Variants in TENT5D observed in about 807,000 individuals in gnomAD.
TENT5D encodes the protein terminal nucleotidyltransferase 5D, also known as cancer/testis antigen 112.
For missense variants in TENT5D, 191 were observed against 287.0 expected, an observed-to-expected ratio of 0.67 and a Z score of 2.42; for synonymous variants, 103 against 100.6, an observed-to-expected ratio of 1.02 and a Z score of -0.15.
intron 2 of TENT5D, among the ~76,000 whole-genome samples, chrX:80,336,585 T>C: frequency 9.2e-6 from 1 of 108,980 alleles, no homozygotes; most frequent in Middle Eastern, 4.7e-3. Context: ...AGAACTTCTT[T>C]TGGTATAAAG....
At chrX:80,380,689 A>G (rs1216790170) in intron 3 of TENT5D, among the ~76,000 whole-genome samples, 1 of 111,757 alleles carries the variant, frequency 8.9e-6, no homozygotes, top group African/African-American at 3.3e-5. Context: ...TTTGTGTTGA[A>G]TAGATCCCTT....
chrX:80,439,997 G>T (rs1380643463), intron 2 of TENT5D, among the ~76,000 whole-genome samples: 1 of 110,501 alleles, frequency 9.0e-6, no homozygotes, highest in Non-Finnish European at 1.9e-5. Flanking sequence ...CTAGAGAAAG[G>T]TTAAAAAAAA....
chrX:80,373,742 C>T (rs775790027), intron 3 of TENT5D, among the ~76,000 whole-genome samples: 12 of 111,566 alleles, frequency 1.1e-4, no homozygotes, highest in South Asian at 7.5e-4. Flanking sequence ...CCCCATTTTT[C>T]TGTTTTCTCT....
chrX:80,398,987 G>A (rs1392306752), intron 3 of TENT5D, among the ~76,000 whole-genome samples: 2 of 111,872 alleles, frequency 1.8e-5, no homozygotes, highest in Non-Finnish European at 3.8e-5. Context: ...ATAGTGTTAA[G>A]TTCCTTATAT....
At chrX:80,355,022 G>A (rs1307421831) in intron 3 of TENT5D, among the ~76,000 whole-genome samples, 3 of 111,649 alleles carry the variant, frequency 2.7e-5, no homozygotes, top group Non-Finnish European at 3.8e-5. Flanking sequence ...TAACCCCGAG[G>A]GCTTTGACCA....
rs749374234 is a variant in TENT5D at position 80,365,604 on chromosome X, G to A, written c.-142+23040G>A. On this transcript the variant is annotated intron_variant, in intron 3 of 4. Coordinates refer to the TENT5D transcript ENST00000538312. The stretch of plus-strand genomic sequence containing the variant: ...GCCTGTAATCCCAGCACTTTAGGAG[G>A]CCGAGGCGGGTGGATCACTTGAGGT... Among the ~76,000 whole-genome samples, 3 of 111,121 alleles carry A rather than the reference G, an allele frequency of 2.7e-5. No individual in the cohort carries two copies. The South Asian group carries it at 1.1e-3, about 43-fold the overall frequency.
intron 3 of TENT5D, among the ~76,000 whole-genome samples, chrX:80,365,047 A>G (rs1930479921): frequency 9.0e-6 from 1 of 111,051 alleles, no homozygotes; most frequent in South Asian, 3.8e-4. Context: ...ACCTATGTAG[A>G]ACAGAAATCT....
intron 3 of TENT5D, among the ~76,000 whole-genome samples, chrX:80,372,785 G>T (rs909639568): frequency 1.8e-5 from 2 of 108,618 alleles, no homozygotes; most frequent in Non-Finnish European, 3.8e-5. Context: ...TACTCAGGAG[G>T]CTGAGGCAGG....
intron 3 of TENT5D, among the ~76,000 whole-genome samples, chrX:80,379,449 G>A (rs1930807587): frequency 1.8e-5 from 2 of 110,896 alleles, no homozygotes; most frequent in African/African-American, 3.3e-5. Flanking sequence ...GTATCAGGAT[G>A]ATGCTGGCCT....
At chrX:80,353,286 T>G (rs1261141083) in intron 3 of TENT5D, among the ~76,000 whole-genome samples, 1 of 112,421 alleles carries the variant, frequency 8.9e-6, no homozygotes, top group Non-Finnish European at 1.9e-5. Flanking sequence ...TTTTTTAACT[T>G]TTATTTTACT....
intron 3 of TENT5D, among the ~76,000 whole-genome samples, chrX:80,409,843 A>T (rs1358357789): frequency 9.7e-6 from 1 of 103,278 alleles, no homozygotes; most frequent in Non-Finnish European, 2.0e-5. Context: ...CTGACTTCAA[A>T]CTATACTACA....
chrX:80,375,271 A>G (rs1260348438), intron 3 of TENT5D, among the ~76,000 whole-genome samples: 1 of 111,503 alleles, frequency 9.0e-6, no homozygotes, highest in African/African-American at 3.3e-5. Context: ...CTTAGCTGTT[A>G]TACTCATTTT....
chrX:80,409,453 T>C (rs1006484283), intron 3 of TENT5D, among the ~76,000 whole-genome samples: 1 of 110,856 alleles, frequency 9.0e-6, no homozygotes, highest in Non-Finnish European at 1.9e-5. Flanking sequence ...TATACACCAA[T>C]AACAGACAAA....
At chrX:80,432,690 G>C (rs955515187) in intron 1 of TENT5D, among the ~76,000 whole-genome samples, 1 of 111,519 alleles carries the variant, frequency 9.0e-6, no homozygotes, top group African/African-American at 3.3e-5. Context: ...GTCTGAGATA[G>C]AACATGGAGT....
rs745465855 is a variant in TENT5D, at chrX:80,349,118, TTTTTTG to T, written c.-142+6557_-142+6562del. On this transcript the variant is annotated intron_variant, in intron 3 of 4. Transcript: ENST00000538312. ...TTCATCAACGATACTGTCTTGAAAT[TTTTTTG>T]TTGTTTTGTCTCTACCAGATTTTGG... Among the ~76,000 whole-genome samples, 3 of 112,217 alleles carry T rather than the reference TTTTTTG, an allele frequency of 2.7e-5. No homozygotes were observed. In the Admixed American group the frequency reaches 2.8e-4, roughly 11 times the overall value.
chrX:80,409,507 G>A (rs1358672100), intron 3 of TENT5D, among the ~76,000 whole-genome samples: 1 of 110,739 alleles, frequency 9.0e-6, no homozygotes, highest in East Asian at 2.9e-4. Context: ...TTGCTTCAAA[G>A]AGAATAAAAT....
At chrX:80,440,349 A>C (rs541882494) in intron 2 of TENT5D, among the ~76,000 whole-genome samples, 5 of 111,020 alleles carry the variant, frequency 4.5e-5, no homozygotes, top group African/African-American at 1.6e-4. Context: ...GGTAAACAAA[A>C]TCCTATCTTC....
At chrX:80,339,903 A>T (rs1204367113) in intron 2 of TENT5D, among the ~76,000 whole-genome samples, 2 of 109,221 alleles carry the variant, frequency 1.8e-5, no homozygotes, top group Middle Eastern at 5.0e-3. Flanking sequence ...AGAGTTATCA[A>T]AAAGATTGTT....
chrX:80,368,058 A>T (rs901061972), intron 3 of TENT5D, among the ~76,000 whole-genome samples: 2 of 111,975 alleles, frequency 1.8e-5, no homozygotes, highest in African/African-American at 3.2e-5. Context: ...TTATCATGTG[A>T]TTATTATGTG....
Sources: allele counts gnomAD v4.1 joint callset (sites outside exome capture counted in the v4.1 genomes callset), GRCh38; gene constraint gnomAD v4.1.1; transcripts MANE v1.5; gene names NCBI Gene and HGNC (gene_info 2026-07-23, HGNC 2026-07-21).